MSR1: variants seen among roughly 807,000 people sequenced by gnomAD.
The protein encoded by MSR1 is macrophage scavenger receptor types I and II.
Under a neutral mutation model 47.2 loss-of-function variants are expected in MSR1, and 53 were observed. The observed-to-expected ratio is 1.12, with a 90% confidence interval of 0.90 to 1.41. The LOEUF (loss-of-function observed/expected upper bound fraction) is 1.41, where lower values mean the gene tolerates loss of function less well. Ranked by LOEUF, MSR1 falls within the 40% of genes most tolerant of loss-of-function variation. The pLI, the probability that MSR1 is intolerant of heterozygous loss-of-function variation, is 0.00. For synonymous variants in MSR1, 239 were observed against 185.6 expected (o/e 1.29, Z -2.34); for missense variants, 786 against 546.9 (o/e 1.44, Z -4.36).
chr8:16,143,458 G>T, intron 8 of MSR1, 100 bp downstream of exon 8: 1 of 981,426 alleles, frequency 1.0e-6, no homozygotes. Context: ...GTATGGATCT[G>T]TGCTGAAGTT....
chr8:16,126,730 T>C (rs573199222), intron 8 of MSR1, among the ~76,000 whole-genome samples: 2 of 152,304 alleles, frequency 1.3e-5, no homozygotes, highest in East Asian at 1.9e-4. Context: ...GATATTTTTG[T>C]ATTTTTTGAA....
chr8:16,170,115 G>A (rs551530935), intron 3 of MSR1, among the ~76,000 whole-genome samples: 3 of 152,106 alleles, frequency 2.0e-5, no homozygotes, highest in Middle Eastern at 3.4e-3. Context: ...TTTGGGAGGC[G>A]CAGGGAGGTG....
intron 6 of MSR1, among the ~76,000 whole-genome samples, chr8:16,153,607 A>T (rs1800919588): frequency 6.6e-6 from 1 of 152,064 alleles, no homozygotes; most frequent in African/African-American, 2.4e-5. Context: ...GTGTCTATTT[A>T]TAACATTAAC....
At chr8:16,136,124 G>A (rs907370866) in intron 8 of MSR1, among the ~76,000 whole-genome samples, 8 of 152,182 alleles carry the variant, frequency 5.3e-5, no homozygotes, top group African/African-American at 1.4e-4. Context: ...TGAGAAGACT[G>A]ATTTTAATTT....
chr8:16,191,547 A>G (rs1442297968), intron 1 of MSR1, among the ~76,000 whole-genome samples: 1 of 151,262 alleles, frequency 6.6e-6, no homozygotes, highest in Non-Finnish European at 1.5e-5. Context: ...AGCTTTTCTT[A>G]TTTTGTTCTC....
intron 8 of MSR1, among the ~76,000 whole-genome samples, chr8:16,133,802 T>A (rs543604885): frequency 1.9e-4 from 29 of 152,296 alleles, no homozygotes; most frequent in African/African-American, 6.7e-4. Flanking sequence ...ATTTAAGATT[T>A]CCACTGAAAG....
chr8:16,129,285 T>G (rs956464823), intron 8 of MSR1, among the ~76,000 whole-genome samples: 1 of 152,118 alleles, frequency 6.6e-6, no homozygotes, highest in African/African-American at 2.4e-5. Context: ...GTCCAATGTT[T>G]TACTTTGGCA....
intron 4 of MSR1, among the ~76,000 whole-genome samples, chr8:16,164,976 A>T (rs1037068479): frequency 6.6e-6 from 1 of 152,060 alleles, no homozygotes; most frequent in African/African-American, 2.4e-5. Flanking sequence ...TACTTTAGAG[A>T]CTGATATTTT....
intron 1 of MSR1, among the ~76,000 whole-genome samples, chr8:16,189,274 C>CCTATATAT (rs1802096518): frequency 7.5e-6 from 1 of 132,562 alleles, no homozygotes; most frequent in African/African-American, 2.7e-5. Flanking sequence ...ATTTATATTT[C>CCTATATAT]AAATATATAA....
intron 5 of MSR1, among the ~76,000 whole-genome samples, chr8:16,158,941 T>A (rs1296529565): frequency 6.7e-6 from 1 of 148,182 alleles, no homozygotes; most frequent in African/African-American, 2.5e-5. Context: ...TTTTTTTTTT[T>A]TTTTTTTTTT....
chr8:16,161,331 G>C lies in MSR1; in HGVS notation c.817+2734C>G, dbSNP rs868829898. Among the ~76,000 whole-genome samples the C allele has an allele frequency of 2.0e-5, 3 of 152,082 alleles. 1 individual carries two copies. Among genetic ancestry groups the C allele is most frequent in the Middle Eastern group, 6.8e-3 (2 of 294 alleles). Reference sequence around the variant, plus strand: ...AAAGACTGAAAACGCAACAGATTTGGGGAGGCAGATGCGGGTGGCTAGTTA... The same window carrying C: ...AAAGACTGAAAACGCAACAGATTTGCGGAGGCAGATGCGGGTGGCTAGTTA... On this transcript the variant is annotated intron_variant, in intron 5 of 9. Transcript: ENST00000262101.
At chr8:16,139,622 A>G (rs1176592605) in intron 8 of MSR1, 2 of 973,636 alleles carry the variant, frequency 2.1e-6, no homozygotes, top group Non-Finnish European at 2.4e-6. Context: ...GAACAAAAGA[A>G]TATTGGTATT....
chr8:16,190,186 C>G (rs1037949125), intron 1 of MSR1, among the ~76,000 whole-genome samples: 2 of 152,112 alleles, frequency 1.3e-5, no homozygotes, highest in African/African-American at 4.8e-5. Context: ...ATGTGAGCCA[C>G]TGCCCCGGCC....
intron 9 of MSR1, among the ~76,000 whole-genome samples, chr8:16,112,999 G>C (rs1037351454): frequency 2.8e-5 from 4 of 141,564 alleles, no homozygotes; most frequent in African/African-American, 1.1e-4. Context: ...CGCCCAGGCT[G>C]GAGTGCAATG....
At position 16,109,569 on chromosome 8, in the gene MSR1, C is replaced by G. The variant is rs918; in HGVS notation, c.*516G>C. The G allele has an allele frequency of 6.0e-6, 1 of 165,430 alleles. No homozygotes were observed. Among genetic ancestry groups the G allele is most frequent in the Non-Finnish European group, 1.3e-5 (1 of 75,498 alleles). The allele number at this position is 165,430 out of a possible 1,614,324, so 10.2% of individuals were successfully genotyped here. A position where few individuals can be genotyped will look rare whatever the true frequency, so the allele number is the denominator to read the frequency against. On this transcript the variant is annotated 3_prime_UTR_variant, in exon 10 of 10. Coordinates refer to ENST00000262101, the MANE Select transcript of MSR1 (RefSeq NM_138715.3). The stretch of plus-strand genomic sequence containing the variant: ...TTGATATCTAATACACAAGTTATTG[C>G]ACATTGAGATATCTTAATAGTTGGA...
At chr8:16,110,895 G>C (rs1424229033) in intron 9 of MSR1, among the ~76,000 whole-genome samples, 2 of 152,162 alleles carry the variant, frequency 1.3e-5, no homozygotes, top group South Asian at 2.1e-4. Context: ...AATTGTAAGA[G>C]TGTTAACAGT....
rs5889636 is a variant in MSR1, at chr8:16,166,936, T to TAC, written c.630+1520_630+1521dup. On this transcript the variant is annotated intron_variant, in intron 4 of 9. Transcript: ENST00000262101. Reference sequence around the variant, plus strand: ...TGTTGTTTTTCAGTGTACACAGGAGTACACACACACACACACACACACACA... The same window carrying TAC: ...TGTTGTTTTTCAGTGTACACAGGAGTACACACACACACACACACACACACACA... 3.5e-3 allele frequency among the ~76,000 whole-genome samples: 518 copies of TAC among 147,060 alleles called. 2 individuals are homozygous for TAC. Among genetic ancestry groups the TAC allele is most frequent in the African/African-American group, 6.7e-3 (270 of 40,048 alleles).
intron 8 of MSR1, chr8:16,139,498 G>A (rs1800472551): frequency 2.0e-6 from 2 of 984,282 alleles, no homozygotes; most frequent in South Asian, 9.4e-5. Context: ...TTAATAGTAT[G>A]AATCTTGGGT....
chr8:16,142,725 T>C (rs548863858), intron 8 of MSR1, among the ~76,000 whole-genome samples: 108 of 152,292 alleles, frequency 7.1e-4, no homozygotes, highest in African/African-American at 2.4e-3. Flanking sequence ...TGCCATTATC[T>C]GCCTAAAACA....
Sources: gnomAD v4.1 joint callset for allele counts (sites outside exome capture counted in the v4.1 genomes callset) on GRCh38, gnomAD v4.1.1 for gene constraint, MANE v1.5 for transcripts, NCBI Gene and HGNC (gene_info 2026-07-23, HGNC 2026-07-21) for gene names.